ACAT1: variants seen among roughly 807,000 people sequenced by gnomAD.
ACAT1 encodes acetyl-CoA acetyltransferase, mitochondrial.
A neutral mutation model predicts 47.3 loss-of-function variants in ACAT1; 28 were observed. The observed-to-expected ratio is 0.59, with a 90% CI of 0.44 to 0.81. The LOEUF (loss-of-function observed/expected upper bound fraction) is 0.81. ACAT1 is among the 30% of genes least tolerant of loss of function. The probability of loss-of-function intolerance (pLI) is 0.00; values close to 1 mark genes in which losing one functional copy is unlikely to be tolerated. For missense variants in ACAT1, 469 were observed against 524.3 expected (o/e 0.89, Z 1.03); for synonymous variants, 181 against 173.6 (o/e 1.04, Z -0.34).
At chr11:108,140,331 AAAGTG>A in intron 7 of ACAT1, 116 bp downstream of exon 7, 1 of 1,265,594 alleles carries the variant, frequency 7.9e-7, no homozygotes, top group Non-Finnish European at 1.1e-6. Flanking sequence ...TGGTTAATAA[AAAGTG>A]AAGAGTTGCC....
At chr11:108,136,484 T>C in intron 5 of ACAT1, 1 of 177,302 alleles carries the variant, frequency 5.6e-6, no homozygotes, top group Non-Finnish European at 1.2e-5. Flanking sequence ...TGAAAAACGG[T>C]CACCAGATTT....
intron 1 of ACAT1, among the ~76,000 whole-genome samples, chr11:108,127,240 T>C (rs531781413): frequency 4.4e-4 from 67 of 151,370 alleles, no homozygotes; most frequent in South Asian, 1.0e-3. Context: ...AGATAGAAAT[T>C]TGGAAAATCA....
chr11:108,121,863 C>A, intron 1 of ACAT1, 185 bp downstream of exon 1: 1 of 622,764 alleles, frequency 1.6e-6, no homozygotes. Context: ...CAGGGACTCG[C>A]CTATTTTTAC....
chr11:108,122,300 A>C (rs777878461), intron 1 of ACAT1, among the ~76,000 whole-genome samples: 3 of 152,242 alleles, frequency 2.0e-5, no homozygotes, highest in Non-Finnish European at 2.9e-5. Flanking sequence ...CGTTGTGTTT[A>C]GGGAACACAG....
intron 4 of ACAT1, among the ~76,000 whole-genome samples, chr11:108,134,603 A>C (rs1436427780): frequency 7.3e-6 from 1 of 137,372 alleles, no homozygotes; most frequent in Non-Finnish European, 1.5e-5. Context: ...GCACCATTGC[A>C]CTCCAACCTG....
chr11:108,138,784 C>A, intron 5 of ACAT1, 114 bp from the exon 6 acceptor site: 1 of 1,208,204 alleles, frequency 8.3e-7, no homozygotes, highest in Non-Finnish European at 1.2e-6. Context: ...CACTGTGTAA[C>A]AAATGTTTAA....
chr11:108,127,676 G>A (rs2077277100), intron 1 of ACAT1, among the ~76,000 whole-genome samples: 1 of 152,190 alleles, frequency 6.6e-6, no homozygotes, highest in Admixed American at 6.5e-5. Flanking sequence ...CTTGGAGGTT[G>A]GAAGGGGAAG....
chr11:108,138,226 C>G (rs1253144860), intron 5 of ACAT1, among the ~76,000 whole-genome samples: 1 of 151,868 alleles, frequency 6.6e-6, no homozygotes, highest in Non-Finnish European at 1.5e-5. Context: ...ACCTCGTGAT[C>G]AGCCCGCTTT....
chr11:108,126,605 C>T (rs570430411), intron 1 of ACAT1, among the ~76,000 whole-genome samples: 52 of 152,110 alleles, frequency 3.4e-4, no homozygotes, highest in African/African-American at 1.2e-3. Context: ...GGTAGAAGGC[C>T]ATTAATAGGA....
At chr11:108,141,924 T>C (rs904365161) in intron 8 of ACAT1, among the ~76,000 whole-genome samples, 1 of 152,220 alleles carries the variant, frequency 6.6e-6, no homozygotes, top group African/African-American at 2.4e-5. Flanking sequence ...GTTTTTCATA[T>C]GTAGCAGTCT....
At chr11:108,121,902 G>A in intron 1 of ACAT1, 1 of 592,040 alleles carries the variant, frequency 1.7e-6, no homozygotes, top group South Asian at 2.0e-5. Flanking sequence ...AGGTCTCGGC[G>A]TAATCATCTT....
intron 2 of ACAT1, 85 bp downstream of exon 2, chr11:108,132,039 T>C: frequency 1.2e-6 from 1 of 851,942 alleles, no homozygotes; most frequent in Non-Finnish European, 2.0e-6. Context: ...TTTGGATACA[T>C]GTGAAAGTCA....
intron 1 of ACAT1, 52 bp downstream of exon 1, chr11:108,121,730 C>T (rs1217129924): frequency 6.5e-7 from 1 of 1,532,026 alleles, no homozygotes; most frequent in Non-Finnish European, 8.8e-7. Context: ...GAGGAGTCCC[C>T]GCCTCGGAAG....
intron 10 of ACAT1, 162 bp downstream of exon 10, chr11:108,144,209 G>C: frequency 1.5e-6 from 1 of 673,930 alleles, no homozygotes; most frequent in Non-Finnish European, 2.5e-6. Flanking sequence ...GAGCAACAAG[G>C]ATAACAAACA....
chr11:108,142,375 A>G (rs1440546294), intron 8 of ACAT1, 62 bp from the exon 9 acceptor site: 4 of 1,314,398 alleles, frequency 3.0e-6, no homozygotes, highest in Non-Finnish European at 3.3e-6. Flanking sequence ...TATTTGTTGA[A>G]TTGAACCAAA....
intron 10 of ACAT1, 52 bp from the exon 11 acceptor site, chr11:108,146,146 CAGTA>C: frequency 1.5e-6 from 2 of 1,377,018 alleles, no homozygotes; most frequent in Admixed American, 3.4e-5. Flanking sequence ...GAAATGATGA[CAGTA>C]AGTTGTGATT....
chr11:108,144,591 A>G (rs2134782957), intron 10 of ACAT1, among the ~76,000 whole-genome samples: 1 of 152,296 alleles, frequency 6.6e-6, no homozygotes, highest in South Asian at 2.1e-4. Flanking sequence ...TTAAGTAAAT[A>G]TTTCCTTTTG....
Position 108,135,162 on chromosome 11 carries a change from T to A in ACAT1, c.355T>A (p.Cys119Ser), listed in dbSNP as rs1401151306. The A allele has an allele frequency of 6.2e-7, 1 of 1,613,720 alleles. No homozygotes were observed. Residue 119 changes from cysteine to serine, a missense_variant, in exon 5 of 12, where the codon TGT becomes AGT. Coordinates refer to ENST00000265838, the MANE Select transcript of ACAT1 (RefSeq NM_000019.4). Reference protein sequence around the residue: ...LGAGLPISTPCTTINKVCASG... With the variant: ...LGAGLPISTPSTTINKVCASG... ...TTTAGGCTTACCTATTTCTACTCCA[T>A]GTACCACCATAAACAAAGTTTGTGC...
intron 1 of ACAT1, 72 bp downstream of exon 1, chr11:108,121,750 C>A: frequency 1.3e-6 from 2 of 1,509,330 alleles, no homozygotes; most frequent in Non-Finnish European, 9.0e-7. Flanking sequence ...GCTTCCAGCC[C>A]GCGGCCGTTG....
Sources: allele counts gnomAD v4.1 joint callset (sites outside exome capture counted in the v4.1 genomes callset), GRCh38; gene constraint gnomAD v4.1.1; transcripts MANE v1.5; gene names NCBI Gene and HGNC (gene_info 2026-07-23, HGNC 2026-07-21).